The following TENM2 variants were observed in gnomAD, a reference collection of about 807,000 sequenced individuals.
TENM2 encodes the protein teneurin-2.
In TENM2, 52 loss-of-function variants were observed where a neutral mutation model predicts 245.2. The ratio of observed to expected loss-of-function variants is 0.21; its 90% confidence interval spans 0.17 to 0.27. The LOEUF is 0.27. TENM2 is among the 10% of genes least tolerant of loss of function. The probability of loss-of-function intolerance (pLI) is 1.00; values close to 1 mark genes in which losing one functional copy is unlikely to be tolerated. For missense variants in TENM2, 3,046 were observed against 3,666.8 expected (o/e 0.83, Z 4.37); for synonymous variants, 1,363 against 1,438.9 (o/e 0.95, Z 1.19).
intron 2 of TENM2, among the ~76,000 whole-genome samples, chr5:167,446,835 A>G (rs1214462410): frequency 6.6e-6 from 1 of 152,022 alleles, no homozygotes; most frequent in South Asian, 2.1e-4. Flanking sequence ...ACAGACATAC[A>G]TACAGATACT....
At chr5:167,102,953 C>A in the TENM2 span, among the ~76,000 whole-genome samples, 1 of 152,128 alleles carries the variant, frequency 6.6e-6, no homozygotes, top group Non-Finnish European at 1.5e-5. Flanking sequence ...AGCCACCATG[C>A]CTGGCTTAAT....
At chr5:167,323,094 T>C (rs1188181874) in intron 1 of TENM2, among the ~76,000 whole-genome samples, 1 of 152,236 alleles carries the variant, frequency 6.6e-6, no homozygotes, top group Admixed American at 6.5e-5. Flanking sequence ...GACCCTCACA[T>C]CATAAAATGT....
the TENM2 span, among the ~76,000 whole-genome samples, chr5:167,273,075 T>C: frequency 1.3e-5 from 2 of 152,098 alleles, no homozygotes; most frequent in Non-Finnish European, 2.9e-5. Flanking sequence ...GTCAACCCCC[T>C]TAAGTAGTAG....
chr5:167,472,537 G>T (rs1294723230), intron 2 of TENM2, among the ~76,000 whole-genome samples: 1 of 152,174 alleles, frequency 6.6e-6, no homozygotes, highest in African/African-American at 2.4e-5. Context: ...GGCTGAGGAT[G>T]TTATACATCA....
chr5:168,122,969 T>C (rs1057123353), intron 10 of TENM2, among the ~76,000 whole-genome samples: 10 of 152,086 alleles, frequency 6.6e-5, no homozygotes, highest in African/African-American at 1.9e-4. Flanking sequence ...CTCTAAATAA[T>C]GTCATATTTA....
intron 5 of TENM2, among the ~76,000 whole-genome samples, chr5:168,046,223 A>G (rs773249502): frequency 1.3e-5 from 2 of 152,136 alleles, no homozygotes; most frequent in African/African-American, 2.4e-5. Context: ...TGTGTGAACA[A>G]TTTCCTAAGC....
At chr5:167,537,293 T>A (rs1318018458) in intron 2 of TENM2, among the ~76,000 whole-genome samples, 4 of 150,926 alleles carry the variant, frequency 2.7e-5, no homozygotes, top group African/African-American at 9.7e-5. Context: ...TCAGCTAGAT[T>A]TTTTCATCTG....
chr5:168,216,752 C>CTGA lies in TENM2; in HGVS notation c.4079-16_4079-15insTGA. The CTGA allele has an allele frequency of 6.2e-7, 1 of 1,613,628 alleles. No individual in the cohort carries two copies. Among genetic ancestry groups the CTGA allele is most frequent in the Non-Finnish European group, 8.5e-7 (1 of 1,179,620 alleles). On this transcript the variant is annotated splice_polypyrimidine_tract_variant and intron_variant, in intron 21 of 28. Transcript: ENST00000518659. ...ACCTTTCCAAGAGATAAATCCACACCGCTTGTCTTGCTCAGGTATTGCAGT... is the reference window on the plus strand; with the variant it reads ...ACCTTTCCAAGAGATAAATCCACACCTGAGCTTGTCTTGCTCAGGTATTGCAGT...
At chr5:167,577,946 C>A (rs1406638663) in intron 2 of TENM2, among the ~76,000 whole-genome samples, 4 of 152,170 alleles carry the variant, frequency 2.6e-5, no homozygotes, top group Non-Finnish European at 4.4e-5. Flanking sequence ...CCCTGAGGAG[C>A]CTGTCTTTGA....
intron 2 of TENM2, among the ~76,000 whole-genome samples, chr5:167,584,532 T>A (rs565665371): frequency 6.6e-6 from 1 of 151,704 alleles, no homozygotes; most frequent in Admixed American, 6.6e-5. Flanking sequence ...GAAAGGGGAG[T>A]TGCAAAGGGA....
the TENM2 span, among the ~76,000 whole-genome samples, chr5:167,006,362 C>T: frequency 0.11 from 17,167 of 152,156 alleles, 1,292 homozygotes; most frequent in South Asian, 0.18. Flanking sequence ...AGAGTCATTT[C>T]TTCTTAGAAG....
intron 2 of TENM2, among the ~76,000 whole-genome samples, chr5:167,695,958 T>C (rs1212752469): frequency 6.0e-5 from 9 of 151,060 alleles, no homozygotes; most frequent in Admixed American, 6.0e-4. Flanking sequence ...GATGTGAACC[T>C]GGGAGGTGGA....
At chr5:167,531,289 T>A (rs1392933487) in intron 2 of TENM2, among the ~76,000 whole-genome samples, 1 of 152,196 alleles carries the variant, frequency 6.6e-6, no homozygotes, top group Admixed American at 6.5e-5. Flanking sequence ...GAAACTGCAG[T>A]CTACTATTTC....
the TENM2 span, among the ~76,000 whole-genome samples, chr5:167,084,327 T>TTATATATATATATA: frequency 0.037 from 849 of 23,058 alleles, 222 homozygotes; most frequent in Middle Eastern, 0.067. Flanking sequence ...GCCATTTTAG[T>TTATATATATATATA]TATATATATA....
the TENM2 span, among the ~76,000 whole-genome samples, chr5:167,084,327 T>TAGATAGATATATATATATA: frequency 4.3e-5 from 1 of 23,170 alleles, no homozygotes; most frequent in African/African-American, 9.0e-5. Context: ...GCCATTTTAG[T>TAGATAGATATATATATATA]TATATATATA....
intron 8 of TENM2, among the ~76,000 whole-genome samples, chr5:168,090,990 TA>T (rs1792893561): frequency 6.6e-6 from 1 of 152,164 alleles, no homozygotes; most frequent in African/African-American, 2.4e-5. Context: ...AAATTGAGGT[TA>T]AGAGTTTGGG....
At chr5:167,930,620 G>C (rs932247653) in intron 3 of TENM2, among the ~76,000 whole-genome samples, 12 of 151,992 alleles carry the variant, frequency 7.9e-5, no homozygotes, top group African/African-American at 1.4e-4. Context: ...GACTACAGGT[G>C]CATGCCACTA....
intron 2 of TENM2, among the ~76,000 whole-genome samples, chr5:167,587,928 C>T (rs901886267): frequency 6.6e-6 from 1 of 152,084 alleles, no homozygotes; most frequent in Non-Finnish European, 1.5e-5. Context: ...CAAAGGTCTG[C>T]TTTAATTCAC....
chr5:167,722,924 T>C (rs1759735290), intron 2 of TENM2, among the ~76,000 whole-genome samples: 1 of 152,136 alleles, frequency 6.6e-6, no homozygotes, highest in African/African-American at 2.4e-5. Context: ...AATGAGGCAG[T>C]TTATTGGTAG....
Sources: allele counts gnomAD v4.1 joint callset (sites outside exome capture counted in the v4.1 genomes callset), GRCh38; gene constraint gnomAD v4.1.1; transcripts MANE v1.5; gene names NCBI Gene and HGNC (gene_info 2026-07-23, HGNC 2026-07-21).